LRRC59: variants seen among roughly 807,000 people sequenced by gnomAD.
LRRC59 encodes the protein leucine rich repeat containing 59.
Under a neutral mutation model 33.5 loss-of-function variants are expected in LRRC59, and 18 were observed. The observed-to-expected ratio is 0.54, with a 90% CI of 0.37 to 0.80. The LOEUF (loss-of-function observed/expected upper bound fraction) is 0.80. Ranked by LOEUF, LRRC59 falls within the 30% of genes least tolerant of loss-of-function variation. LRRC59 has a pLI of 0.00. For missense variants in LRRC59, 330 were observed against 391.9 expected (o/e 0.84, Z 1.33); for synonymous variants, 138 against 160.0 (o/e 0.86, Z 1.04).
rs1345494911 is a variant in LRRC59, at chr17:50,388,055, C to G, written c.502+5G>C. On this transcript the variant is annotated splice_donor_5th_base_variant and intron_variant, in intron 5 of 6. Coordinates refer to ENST00000225972, the MANE Select transcript of LRRC59 (RefSeq NM_018509.4). ...AAGATAACTACAAGAGGGACAGCCA[C>G]CTACCACGTTCTACTTCCAGCCGCC... is the stretch of plus-strand genomic sequence containing the variant. 2 of 1,614,172 alleles carry G rather than the reference C, an allele frequency of 1.2e-6. No individual in the cohort carries two copies. The highest frequency in any genetic ancestry group is 3.3e-5 in the Admixed American group (2 of 60,026).
chr17:50,393,486 C>A (rs1187448444), intron 2 of LRRC59, among the ~76,000 whole-genome samples: 1 of 152,206 alleles, frequency 6.6e-6, no homozygotes, highest in Non-Finnish European at 1.5e-5. Context: ...CAGTCTGATT[C>A]TTGTTATTTG....
rs1913986055 is a variant in LRRC59, at chr17:50,385,747, G to A, written c.503-456C>T. On this transcript the variant is annotated intron_variant, in intron 5 of 6. Transcript: ENST00000225972. Reference sequence around the variant, plus strand: ...GGGGGGACAAGTGAGAAGAGAAAATGAGCACTCAAGTTTAGGGTTAGAAAC... The same window carrying A: ...GGGGGGACAAGTGAGAAGAGAAAATAAGCACTCAAGTTTAGGGTTAGAAAC... Among the ~76,000 whole-genome samples the A allele has an allele frequency of 2.0e-5, 3 of 152,152 alleles. No individual in the cohort carries two copies. The South Asian group carries it at 6.2e-4, about 32-fold the overall frequency.
chr17:50,393,891 A>G (rs1329678159), intron 2 of LRRC59, among the ~76,000 whole-genome samples: 2 of 152,154 alleles, frequency 1.3e-5, no homozygotes, highest in East Asian at 3.9e-4. Flanking sequence ...GGATCTTGCT[A>G]TGTTGTCCAG....
chr17:50,393,116 C>G lies in LRRC59; in HGVS notation c.166-219G>C, dbSNP rs1338157475. Among the ~76,000 whole-genome samples the G allele has an allele frequency of 2.0e-5, 3 of 152,298 alleles. No homozygotes were observed. The East Asian group carries it at 5.8e-4, about 29-fold the overall frequency. On this transcript the variant is annotated intron_variant, in intron 2 of 6. Transcript: ENST00000225972. ...CAAGATTGGAAACTCCTCATCTAAG[C>G]CTTGGGCTCACACACTTCGGTGTAA...
At chr17:50,393,573 T>A (rs1173272893) in intron 2 of LRRC59, among the ~76,000 whole-genome samples, 1 of 152,190 alleles carries the variant, frequency 6.6e-6, no homozygotes, top group Non-Finnish European at 1.5e-5. Flanking sequence ...CTGGGGTCCA[T>A]CCTACCCAAG....
rs1381705663 is a variant in LRRC59, at chr17:50,383,163, A to T, written c.749T>A (p.Leu250Gln). 6.4e-7 allele frequency: 1 copy of T among 1,573,816 alleles called. No homozygotes were observed. The change falls in exon 7 of 7, where the codon CTG becomes CAG. Residue 250 changes from leucine to glutamine, a missense_variant. Transcript: ENST00000225972. Reference sequence around the variant, plus strand: ...ACCAAATAGCAGCAGCAGCAGCAGCAGCTTCAGCACAGCCCAGGAACGAGT... The same window carrying T: ...ACCAAATAGCAGCAGCAGCAGCAGCTGCTTCAGCACAGCCCAGGAACGAGT... ...KHTRSWAVLK[L>Q]LLLLLLFGVA...
Position 50,381,345 on chromosome 17 carries a change from G to C in LRRC59, c.*1643C>G, listed in dbSNP as rs1032333034. The C allele has an allele frequency of 4.8e-6, 1 of 206,938 alleles. No individual in the cohort carries two copies. The highest frequency in any genetic ancestry group is 1.1e-4 in the East Asian group (1 of 8,736). 12.8% of individuals were successfully genotyped at this position (206,938 alleles called of 1,614,324 possible). ...TGGCTTGACTGGGCTCAGCCACTGA[G>C]CTGCCTCAACCGGCCAAGGAACGGG... On this transcript the variant is annotated 3_prime_UTR_variant, in exon 7 of 7. Coordinates refer to ENST00000225972, the MANE Select transcript of LRRC59 (RefSeq NM_018509.4).
Position 50,397,513 on chromosome 17 carries a change from A to G in LRRC59, c.-196T>C, listed in dbSNP as rs900249322. 1.0e-5 allele frequency: 5 copies of G among 499,532 alleles called. No individual in the cohort carries two copies. In the Admixed American group the frequency reaches 1.6e-4, roughly 16 times the overall value. The allele number at this position is 499,532 out of a possible 1,614,324, so 30.9% of individuals were successfully genotyped here. A position where few individuals can be genotyped will look rare whatever the true frequency, so the allele number is the denominator to read the frequency against. On this transcript the variant is annotated 5_prime_UTR_variant, in exon 1 of 7. Coordinates refer to ENST00000225972, the MANE Select transcript of LRRC59 (RefSeq NM_018509.4). ...AGCTCCCACCGGTGCCGCGACGACGACCACTTCCGTGTCCACGTCACCTTC... is the reference window on the plus strand; with the variant it reads ...AGCTCCCACCGGTGCCGCGACGACGGCCACTTCCGTGTCCACGTCACCTTC...
Position 50,385,187 on chromosome 17 carries a change from ACTC to A in LRRC59, c.604_606del (p.Glu202del), listed in dbSNP as rs1436191674. 1 of 1,613,656 alleles carries A rather than the reference ACTC, an allele frequency of 6.2e-7. No homozygotes were observed. Among genetic ancestry groups the A allele is most frequent in the Admixed American group, 1.7e-5 (1 of 59,970 alleles). ...CGCTTGGCTGCTTTGAGGGCATCAT[ACTC>A]CTTTCTCCGGCGCTCCTTCTCTTCC... On this transcript the variant is annotated inframe_deletion, in exon 6 of 7. Coordinates refer to ENST00000225972, the MANE Select transcript of LRRC59 (RefSeq NM_018509.4).
At position 50,382,254 on chromosome 17, in the gene LRRC59, T is replaced by C. The variant is rs756360581; in HGVS notation, c.*734A>G. On this transcript the variant is annotated 3_prime_UTR_variant, in exon 7 of 7. Coordinates refer to ENST00000225972, the MANE Select transcript of LRRC59 (RefSeq NM_018509.4). ...AAGAGTCTATGCTTCACCTGAGGAA[T>C]AATCGATTCTGGTGTGAGTTCTGGT... 6.6e-6 allele frequency: 1 copy of C among 152,208 alleles called. No homozygotes were observed. Among genetic ancestry groups the C allele is most frequent in the African/African-American group, 2.4e-5 (1 of 41,426 alleles). The allele number at this position is 152,208 out of a possible 1,614,324, so 9.4% of individuals were successfully genotyped here. A position where few individuals can be genotyped will look rare whatever the true frequency, so the allele number is the denominator to read the frequency against.
At position 50,383,055 on chromosome 17, in the gene LRRC59, T is replaced by C. The variant is rs776755349; in HGVS notation, c.857A>G (p.Asn286Ser). 3.1e-6 allele frequency: 5 copies of C among 1,612,674 alleles called. No homozygotes were observed. The East Asian group carries it at 8.9e-5, about 29-fold the overall frequency. The change falls in exon 7 of 7, where the codon AAT becomes AGT. Residue 286 changes from asparagine (N) to serine (S), a missense_variant. Asn to Ser is a conservative substitution (Grantham distance 46). Coordinates refer to ENST00000225972, the MANE Select transcript of LRRC59 (RefSeq NM_018509.4). ...LCTSVNTIYD[N>S]AVQGLRRHEI... ...ATGGCGGCGTAGACCCTGGACCGCA[T>C]TGTCATAGATGGTGTTCACGCTGGT...
In LRRC59 at chr17:50,392,805, G is replaced by A; in HGVS notation, c.258C>T (p.Asn86=). 1 of 1,614,136 alleles carries A rather than the reference G, an allele frequency of 6.2e-7. No individual in the cohort carries two copies. The highest frequency in any genetic ancestry group is 8.5e-7 in the Non-Finnish European group (1 of 1,180,008). The change falls in exon 3 of 7, where the codon AAC becomes AAT. Residue 86 remains asparagine, a synonymous_variant. Coordinates refer to ENST00000225972, the MANE Select transcript of LRRC59 (RefSeq NM_018509.4). The part of the protein sequence containing the change: ...QLPADFGRLV[N]LQHLDLLNNK... ...TGTTGAGGAGATCCAGGTGCTGGAG[G>A]TTGACCAGACGGCCAAAGTCTGCTG... is the stretch of plus-strand genomic sequence containing the variant.
In LRRC59 at chr17:50,382,926, G is replaced by A. The variant is rs571373096; in HGVS notation, c.*62C>T. ...TGCTAAAAAGAGGTTGTGTCCAGCAGAACCCAATTCCATAGGAATCCAAAC... is the reference window on the plus strand; with the variant it reads ...TGCTAAAAAGAGGTTGTGTCCAGCAAAACCCAATTCCATAGGAATCCAAAC... On this transcript the variant is annotated 3_prime_UTR_variant, in exon 7 of 7. Coordinates refer to ENST00000225972, the MANE Select transcript of LRRC59 (RefSeq NM_018509.4). 11 of 1,577,606 alleles carry A rather than the reference G, an allele frequency of 7.0e-6. No individual in the cohort carries two copies. The Admixed American group carries it at 1.9e-4, about 27-fold the overall frequency.
In LRRC59 at chr17:50,382,761, A is replaced by C; in HGVS notation, c.*227T>G. 5.4e-6 allele frequency: 3 copies of C among 552,812 alleles called. No homozygotes were observed. Among genetic ancestry groups the C allele is most frequent in the African/African-American group, 1.9e-5 (1 of 52,602 alleles). 34.2% of individuals were successfully genotyped at this position (552,812 alleles called of 1,614,324 possible). A position where few individuals can be genotyped will look rare whatever the true frequency, so the allele number is the denominator to read the frequency against. Reference sequence around the variant, plus strand: ...AGCCTACTCCTTTAGGCATGCAGGTAACTGCCCCCCACGCCCCCCCGCCAC... The same window carrying C: ...AGCCTACTCCTTTAGGCATGCAGGTCACTGCCCCCCACGCCCCCCCGCCAC... On this transcript the variant is annotated 3_prime_UTR_variant, in exon 7 of 7. Coordinates refer to ENST00000225972, the MANE Select transcript of LRRC59 (RefSeq NM_018509.4).
Position 50,392,783 on chromosome 17 carries a change from T to G in LRRC59, c.280A>C (p.Asn94His). The G allele has an allele frequency of 6.2e-7, 1 of 1,614,102 alleles. No homozygotes were observed. The highest frequency in any genetic ancestry group is 8.5e-7 in the Non-Finnish European group (1 of 1,180,006). ...LVNLQHLDLL[N>H]NKLVTLPVSF... is the part of the protein sequence containing the mutation. ...ACAGGCAAGGTGACCAGCTTGTTGT[T>G]GAGGAGATCCAGGTGCTGGAGGTTG... Residue 94 changes from asparagine (N) to histidine (H), a missense_variant, in exon 3 of 7, where the codon AAC becomes CAC. Coordinates refer to ENST00000225972, the MANE Select transcript of LRRC59 (RefSeq NM_018509.4).
intron 6 of LRRC59, 67 bp from the exon 7 acceptor site, chr17:50,383,302 G>GCA (rs1913915925): frequency 6.7e-7 from 1 of 1,503,056 alleles, no homozygotes. Context: ...ACTAATCTCT[G>GCA]CTAGTCTCCT....
At chr17:50,394,096 C>T (rs907163658) in intron 2 of LRRC59, among the ~76,000 whole-genome samples, 1 of 152,142 alleles carries the variant, frequency 6.6e-6, no homozygotes, top group Non-Finnish European at 1.5e-5. Context: ...GTACTGTGGA[C>T]GATGAGCAAG....
At chr17:50,396,188 A>G (rs1232740737) in intron 1 of LRRC59, 1 of 152,250 alleles carries the variant, frequency 6.6e-6, no homozygotes. Flanking sequence ...TAAATACTAC[A>G]GCGGGAAAAA....
Position 50,382,948 on chromosome 17 carries a change from A to G in LRRC59, c.*40T>C. 3 of 1,596,804 alleles carry G rather than the reference A, an allele frequency of 1.9e-6. No homozygotes were observed. Among genetic ancestry groups the G allele is most frequent in the Non-Finnish European group, 2.6e-6 (3 of 1,169,828 alleles). On this transcript the variant is annotated 3_prime_UTR_variant, in exon 7 of 7. Coordinates refer to ENST00000225972, the MANE Select transcript of LRRC59 (RefSeq NM_018509.4). ...GCAGAACCCAATTCCATAGGAATCC[A>G]AACTCCAAGGCTGGGAGGCAGCAGG... is the stretch of plus-strand genomic sequence containing the variant.
Sources: allele counts gnomAD v4.1 joint callset (sites outside exome capture counted in the v4.1 genomes callset), GRCh38; gene constraint gnomAD v4.1.1; transcripts MANE v1.5; gene names NCBI Gene and HGNC (gene_info 2026-07-23, HGNC 2026-07-21).